The following PCDH15 variants were observed in gnomAD, a reference collection of about 807,000 sequenced individuals.
PCDH15 encodes the protein protocadherin related 15.
A neutral mutation model predicts 178.5 loss-of-function variants in PCDH15; 129 were observed. That is an observed-to-expected ratio of 0.72 (90% CI 0.63 to 0.84). PCDH15 has a LOEUF of 0.84. PCDH15 is among the 40% of genes least tolerant of loss of function. The probability of loss-of-function intolerance (pLI) is 0.00; values close to 1 mark genes in which losing one functional copy is unlikely to be tolerated. For missense variants in PCDH15, 2,230 were observed against 2,099.9 expected (o/e 1.06, Z -1.21); for synonymous variants, 800 against 732.0 (o/e 1.09, Z -1.50).
chr10:55,151,885 A>G (rs1178410282), intron 2 of PCDH15, among the ~76,000 whole-genome samples: 1 of 151,908 alleles, frequency 6.6e-6, no homozygotes, highest in East Asian at 1.9e-4. Context: ...ACCAGGTGAT[A>G]AGGATAAAGA....
At chr10:55,258,745 TTTTG>T (rs1421981816) in intron 1 of PCDH15, among the ~76,000 whole-genome samples, 4 of 148,254 alleles carry the variant, frequency 2.7e-5, no homozygotes, top group Admixed American at 7.0e-5. Context: ...ATAGACAGGA[TTTTG>T]TTTGTCTGCT....
intron 21 of PCDH15, among the ~76,000 whole-genome samples, chr10:53,964,516 A>G (rs900237580): frequency 6.7e-6 from 1 of 148,564 alleles, no homozygotes; most frequent in Non-Finnish European, 1.5e-5. Flanking sequence ...TATAAATTTT[A>G]TTTATAAAAA....
chr10:54,774,007 CTTTTTTTTTTTTTTTTTTTTTTTTT>C (rs763704132), intron 1 of PCDH15, among the ~76,000 whole-genome samples: 1 of 75,378 alleles, frequency 1.3e-5, no homozygotes, highest in African/African-American at 4.6e-5. Context: ...ACTTCATAGG[CTTTTTTTTTTTTTTTTTTTTTTTTT>C]TTTTTTTTTT....
chr10:54,489,502 A>T (rs539109190), intron 3 of PCDH15, among the ~76,000 whole-genome samples: 3 of 152,216 alleles, frequency 2.0e-5, no homozygotes, highest in South Asian at 4.1e-4. Flanking sequence ...GAGCTACAAG[A>T]GGAGTTGTTA....
chr10:55,522,631 C>T (rs1589107710), intron 2 of PCDH15, among the ~76,000 whole-genome samples: 1 of 151,684 alleles, frequency 6.6e-6, no homozygotes, highest in East Asian at 1.9e-4. Context: ...TAAGTATAGC[C>T]ATGACTGCTC....
chr10:54,411,636 G>C (rs1953534515), intron 3 of PCDH15, among the ~76,000 whole-genome samples: 1 of 152,266 alleles, frequency 6.6e-6, no homozygotes, highest in South Asian at 2.1e-4. Context: ...CACGTAATAA[G>C]TGCTGGTTGC....
intron 2 of PCDH15, among the ~76,000 whole-genome samples, chr10:55,010,724 AT>A (rs1273956441): frequency 4.6e-5 from 7 of 152,314 alleles, no homozygotes; most frequent in African/African-American, 1.4e-4. Context: ...AAATAACAGA[AT>A]AGTTGAAAAC....
At chr10:54,064,739 T>G (rs1321588490) in intron 18 of PCDH15, among the ~76,000 whole-genome samples, 1 of 152,030 alleles carries the variant, frequency 6.6e-6, no homozygotes, top group Non-Finnish European at 1.5e-5. Context: ...GGCCTGAACT[T>G]TGCTTCAAAA....
chr10:54,485,949 C>G (rs895667338), intron 3 of PCDH15, among the ~76,000 whole-genome samples: 1 of 151,562 alleles, frequency 6.6e-6, no homozygotes, highest in African/African-American at 2.4e-5. Context: ...TGATCTCTAA[C>G]AGTTTTATGA....
intron 3 of PCDH15, among the ~76,000 whole-genome samples, chr10:54,424,059 C>G (rs551116958): frequency 2.6e-4 from 40 of 151,862 alleles, no homozygotes; most frequent in African/African-American, 9.7e-4. Context: ...AAAGAAACTA[C>G]CATCAGAGTG....
In PCDH15 at chr10:53,920,484, A is replaced by G. The variant is rs56869939; in HGVS notation, c.3374-17114T>C. Among the ~76,000 whole-genome samples the G allele has an allele frequency of 5.3e-3, 800 of 152,140 alleles. 9 individuals carry two copies. The highest frequency in any genetic ancestry group is 0.018 in the African/African-American group (746 of 41,536). ...AAAAATCAAAATCACGGGATGATAG[A>G]TTATTTTAATTTTCTTCTTTTCGTA... On this transcript the variant is annotated intron_variant, in intron 25 of 37. Transcript: ENST00000644397.
At chr10:55,487,988 T>G (rs1840332756) in intron 2 of PCDH15, among the ~76,000 whole-genome samples, 1 of 151,644 alleles carries the variant, frequency 6.6e-6, no homozygotes, top group African/African-American at 2.4e-5. Flanking sequence ...TCAGATTTAT[T>G]TAAAATATAG....
chr10:54,483,961 C>T (rs1466495381), intron 3 of PCDH15, among the ~76,000 whole-genome samples: 3 of 151,820 alleles, frequency 2.0e-5, no homozygotes, highest in African/African-American at 7.3e-5. Context: ...ATTTTTAATA[C>T]CTATGCTATT....
chr10:53,810,763 C>T (rs2075835519), intron 36 of PCDH15, 99 bp from the exon 37 acceptor site: 6 of 1,106,808 alleles, frequency 5.4e-6, no homozygotes, highest in Admixed American at 1.7e-5. Flanking sequence ...GCCATTCAAT[C>T]GACAGATATT....
At chr10:53,840,011 C>A (rs917039324) in intron 29 of PCDH15, among the ~76,000 whole-genome samples, 3 of 152,142 alleles carry the variant, frequency 2.0e-5, no homozygotes, top group African/African-American at 4.8e-5. Flanking sequence ...TCATTAATAG[C>A]CAGTGCCCTT....
At chr10:53,925,375 G>A (rs781103314) in intron 25 of PCDH15, among the ~76,000 whole-genome samples, 9 of 152,130 alleles carry the variant, frequency 5.9e-5, no homozygotes, top group Admixed American at 3.9e-4. Context: ...TGAAGCCAGC[G>A]GGACCACGAA....
At chr10:54,355,702 T>C (rs540897509) in intron 5 of PCDH15, among the ~76,000 whole-genome samples, 1 of 152,204 alleles carries the variant, frequency 6.6e-6, no homozygotes, top group African/African-American at 2.4e-5. Flanking sequence ...AAAATCAAAT[T>C]AGCCAGTACC....
At chr10:54,510,975 T>G (rs763461654) in intron 3 of PCDH15, among the ~76,000 whole-genome samples, 20 of 152,196 alleles carry the variant, frequency 1.3e-4, no homozygotes, top group Non-Finnish European at 2.1e-4. Flanking sequence ...TTTGTGAGTT[T>G]GTATCCACTT....
chr10:54,601,662 C>T (rs1278391687), intron 2 of PCDH15, among the ~76,000 whole-genome samples: 1 of 151,866 alleles, frequency 6.6e-6, no homozygotes, highest in Non-Finnish European at 1.5e-5. Context: ...AACAGAACTG[C>T]CATTTGACCC....
Sources: allele counts gnomAD v4.1 joint callset (sites outside exome capture counted in the v4.1 genomes callset), GRCh38; gene constraint gnomAD v4.1.1; transcripts MANE v1.5; gene names NCBI Gene and HGNC (gene_info 2026-07-23, HGNC 2026-07-21).